Variants in LRRIQ1 observed in about 807,000 individuals in gnomAD.
LRRIQ1 encodes leucine rich repeats and IQ motif containing 1, also known as leucine-rich repeat- and IQ domain-containing protein 1.
Under a neutral mutation model 211.9 loss-of-function variants are expected in LRRIQ1, and 210 were observed. The observed-to-expected ratio is 0.99, with a 90% CI of 0.89 to 1.11. LRRIQ1 has a LOEUF of 1.11. Among genes scored for constraint, LRRIQ1 ranks in the 50% most tolerant of loss-of-function variants. The probability of loss-of-function intolerance (pLI) is 0.00; values close to 1 mark genes in which losing one functional copy is unlikely to be tolerated. For synonymous variants in LRRIQ1, 699 were observed against 650.1 expected (o/e 1.08, Z -1.14); for missense variants, 2,136 against 1,939.5 (o/e 1.10, Z -1.90).
chr12:85,041,305 A>G (rs1207464358), intron 3 of LRRIQ1, among the ~76,000 whole-genome samples: 1 of 151,806 alleles, frequency 6.6e-6, no homozygotes, highest in African/African-American at 2.4e-5. Context: ...TACAGCAGTG[A>G]ACAAAACAGG....
In LRRIQ1 at chr12:85,124,103, CTG is replaced by C; in HGVS notation, c.3593_3594del (p.Cys1198SerfsTer4). On this transcript the variant is annotated frameshift_variant, in exon 17 of 27. Transcript: ENST00000393217. LOFTEE classifies it high-confidence loss of function. ...TTACCTTGGATACTGCAGAAAATCTCTGTCATTATTTTAAGAAATTGATGATA... is the reference window on the plus strand; with the variant it reads ...TTACCTTGGATACTGCAGAAAATCTCTCATTATTTTAAGAAATTGATGATA... ...VFTLDTAENLCHYFKKLMILS... is the reference protein window; with the variant it reads ...VFTLDTAENLXHYFKKLMILS... 6.2e-7 allele frequency: 1 copy of C among 1,613,384 alleles called. No individual in the cohort carries two copies. Among genetic ancestry groups the C allele is most frequent in the Non-Finnish European group, 8.5e-7 (1 of 1,179,462 alleles).
At chr12:85,049,797 C>G (rs1195481880) in intron 6 of LRRIQ1, among the ~76,000 whole-genome samples, 2 of 152,134 alleles carry the variant, frequency 1.3e-5, no homozygotes, top group Non-Finnish European at 2.9e-5. Context: ...CCAATGACTT[C>G]TATATATTAT....
chr12:85,163,592 A>T (rs1891007820), intron 24 of LRRIQ1, among the ~76,000 whole-genome samples: 1 of 152,146 alleles, frequency 6.6e-6, no homozygotes, highest in African/African-American at 2.4e-5. Context: ...TGCAATGTTG[A>T]CTATATGGGG....
intron 15 of LRRIQ1, among the ~76,000 whole-genome samples, chr12:85,110,947 C>T (rs1402947970): frequency 6.6e-6 from 1 of 152,026 alleles, no homozygotes; most frequent in Non-Finnish European, 1.5e-5. Flanking sequence ...AAGTTGGGTT[C>T]TGTAATTGTC....
Position 85,241,543 on chromosome 12 carries a change from AAAAT to A in LRRIQ1, c.5017-3241_5017-3238del, listed in dbSNP as rs1401396565. On this transcript the variant is annotated intron_variant, in intron 26 of 26. Coordinates refer to ENST00000393217, the MANE Select transcript of LRRIQ1 (RefSeq NM_001079910.2). ...TAATTTGCAAATTATTCTAACAGTT[AAAAT>A]AAATGAACTAAATCTAGATCTCACA... 4.6e-5 allele frequency among the ~76,000 whole-genome samples: 7 copies of A among 152,068 alleles called. No homozygotes were observed. In the South Asian group the frequency reaches 1.5e-3, roughly 32 times the overall value.
intron 13 of LRRIQ1, among the ~76,000 whole-genome samples, chr12:85,099,849 A>T (rs1323496221): frequency 6.6e-6 from 1 of 151,842 alleles, no homozygotes; most frequent in Non-Finnish European, 1.5e-5. Context: ...GCAGGCATAT[A>T]CTAAATGACT....
chr12:85,149,824 T>C (rs1184445504), intron 19 of LRRIQ1, among the ~76,000 whole-genome samples: 1 of 151,766 alleles, frequency 6.6e-6, no homozygotes, highest in Non-Finnish European at 1.5e-5. Context: ...TAAGAGATAG[T>C]AGTTAAATAA....
chr12:85,155,965 A>G (rs1244402944), intron 23 of LRRIQ1, among the ~76,000 whole-genome samples: 1 of 151,656 alleles, frequency 6.6e-6, no homozygotes, highest in African/African-American at 2.4e-5. Context: ...GCAAAAATTA[A>G]ACCTCTTTTA....
intron 1 of LRRIQ1, among the ~76,000 whole-genome samples, chr12:85,250,857 ATATT>A (rs1246692050): frequency 9.1e-6 from 1 of 110,254 alleles, no homozygotes; most frequent in Non-Finnish European, 1.7e-5. Flanking sequence ...TATATAATAT[ATATT>A]ATAGATTATA....
chr12:85,262,813 C>T (rs886812875), intron 1 of LRRIQ1: 1 of 510,562 alleles, frequency 2.0e-6, no homozygotes, highest in Non-Finnish European at 2.5e-6. Context: ...AGATCATAGA[C>T]TTTTCAACTG....
At chr12:85,072,275 C>A (rs1478899395) in intron 10 of LRRIQ1, among the ~76,000 whole-genome samples, 1 of 151,634 alleles carries the variant, frequency 6.6e-6, no homozygotes, top group Non-Finnish European at 1.5e-5. Flanking sequence ...TGCTTTATAG[C>A]CAGAGAATAA....
At chr12:85,102,288 C>CT (rs970102319) in intron 13 of LRRIQ1, among the ~76,000 whole-genome samples, 3 of 151,358 alleles carry the variant, frequency 2.0e-5, no homozygotes, top group African/African-American at 7.3e-5. Flanking sequence ...CTTCCCTTGA[C>CT]TTTTTTTTCC....
chr12:85,234,236 C>T (rs1895078852), intron 26 of LRRIQ1, among the ~76,000 whole-genome samples: 1 of 151,488 alleles, frequency 6.6e-6, no homozygotes, highest in Non-Finnish European at 1.5e-5. Flanking sequence ...GACTCTCTTT[C>T]AAAAAACAAA....
chr12:85,263,485 G>C (rs975836001), exon 2 of LRRIQ1: 3 of 151,812 alleles, frequency 2.0e-5, no homozygotes, highest in African/African-American at 4.8e-5. Flanking sequence ...TATCGTACTT[G>C]AGTATTTCAA....
At chr12:85,037,772 A>T (rs1032488320) in intron 1 of LRRIQ1, among the ~76,000 whole-genome samples, 4 of 152,122 alleles carry the variant, frequency 2.6e-5, no homozygotes, top group Non-Finnish European at 4.4e-5. Context: ...TGGGACTAAG[A>T]CCAACAGTGA....
intron 11 of LRRIQ1, among the ~76,000 whole-genome samples, chr12:85,087,796 A>AT (rs913847690): frequency 2.0e-5 from 3 of 151,410 alleles, no homozygotes; most frequent in Non-Finnish European, 4.4e-5. Flanking sequence ...GAGTTGTTTG[A>AT]TTTTTTTCTT....
chr12:85,179,829 T>C (rs890471215), intron 24 of LRRIQ1, among the ~76,000 whole-genome samples: 2 of 151,982 alleles, frequency 1.3e-5, no homozygotes, highest in African/African-American at 4.8e-5. Flanking sequence ...TCCATGTCTC[T>C]GTAACATCGT....
chr12:85,128,100 G>T (rs1435443919), intron 18 of LRRIQ1, 67 bp downstream of exon 18: 1 of 1,188,912 alleles, frequency 8.4e-7, no homozygotes, highest in Non-Finnish European at 1.2e-6. Context: ...GATTTATTCT[G>T]TATTAAAAAT....
chr12:85,125,447 T>C (rs969733373), intron 17 of LRRIQ1, among the ~76,000 whole-genome samples: 7 of 152,198 alleles, frequency 4.6e-5, no homozygotes, highest in Non-Finnish European at 8.8e-5. Context: ...TGTCAATTTC[T>C]TCTTGTTCTT....
Sources: allele counts gnomAD v4.1 joint callset (sites outside exome capture counted in the v4.1 genomes callset), GRCh38; gene constraint gnomAD v4.1.1; transcripts MANE v1.5; gene names NCBI Gene and HGNC (gene_info 2026-07-23, HGNC 2026-07-21).